Variants in MAGI2 observed in about 807,000 individuals in gnomAD.
MAGI2 encodes the protein membrane-associated guanylate kinase, WW and PDZ domain-containing protein 2.
In MAGI2, 35 loss-of-function variants were observed where a neutral mutation model predicts 133.3. The ratio of observed to expected loss-of-function variants is 0.26; its 90% CI spans 0.20 to 0.35. The LOEUF (loss-of-function observed/expected upper bound fraction) is 0.35, where lower values mean the gene tolerates loss of function less well. Ranked by LOEUF, MAGI2 falls within the 10% of genes least tolerant of loss-of-function variation. The pLI, the probability that MAGI2 is intolerant of heterozygous loss-of-function variation, is 1.00. For missense variants in MAGI2, 1,636 were observed against 1,863.4 expected, an observed-to-expected ratio of 0.88 and a Z score of 2.25; for synonymous variants, 729 against 710.6, an observed-to-expected ratio of 1.03 and a Z score of -0.41.
At chr7:79,183,150 G>C (rs1021461323) in intron 1 of MAGI2, among the ~76,000 whole-genome samples, 9 of 151,824 alleles carry the variant, frequency 5.9e-5, no homozygotes, top group Admixed American at 3.3e-4. Context: ...TAGGGTGACT[G>C]TAGATACAAC....
intron 6 of MAGI2, among the ~76,000 whole-genome samples, chr7:78,399,828 G>T (rs1460973461): frequency 1.1e-5 from 1 of 93,364 alleles, no homozygotes; most frequent in South Asian, 3.7e-4. Context: ...AAAAAAAAAA[G>T]GCATAACATT....
At chr7:79,389,418 C>G (rs924491249) in intron 1 of MAGI2, among the ~76,000 whole-genome samples, 1 of 152,054 alleles carries the variant, frequency 6.6e-6, no homozygotes, top group Non-Finnish European at 1.5e-5. Flanking sequence ...AGAAGACTAA[C>G]TTATGAATGT....
intron 1 of MAGI2, among the ~76,000 whole-genome samples, chr7:79,276,954 C>G (rs1293908265): frequency 6.6e-6 from 1 of 151,700 alleles, no homozygotes; most frequent in East Asian, 1.9e-4. Flanking sequence ...TAGAGTGAAA[C>G]TCTGTCTAAA....
At chr7:78,863,364 GTCCAC>G (rs2151505445) in intron 2 of MAGI2, among the ~76,000 whole-genome samples, 1 of 152,314 alleles carries the variant, frequency 6.6e-6, no homozygotes, top group African/African-American at 2.4e-5. Flanking sequence ...CTCAGGCTGT[GTCCAC>G]TCATGGCAGG....
At chr7:79,144,956 C>G (rs185096438) in intron 1 of MAGI2, among the ~76,000 whole-genome samples, 1 of 152,114 alleles carries the variant, frequency 6.6e-6, no homozygotes, top group East Asian at 1.9e-4. Flanking sequence ...TGGCTCTGCA[C>G]TCACATTAAA....
chr7:78,527,354 C>T (rs1370930893), intron 3 of MAGI2, among the ~76,000 whole-genome samples: 2 of 152,144 alleles, frequency 1.3e-5, no homozygotes, highest in Non-Finnish European at 2.9e-5. Context: ...TCTCTGTAGT[C>T]AATTGACCTT....
chr7:78,381,349 T>TAAAAGAAAAG (rs111830035), intron 6 of MAGI2, among the ~76,000 whole-genome samples: 7,726 of 150,786 alleles, frequency 0.051, 277 homozygotes, highest in South Asian at 0.094. Context: ...CTGTCTCAAT[T>TAAAAGAAAAG]AAAAGAAAAG....
At chr7:78,375,089 T>C (rs1350263772) in intron 6 of MAGI2, among the ~76,000 whole-genome samples, 1 of 152,068 alleles carries the variant, frequency 6.6e-6, no homozygotes, top group African/African-American at 2.4e-5. Context: ...GTTATCCACC[T>C]GCCTTGGCCT....
At chr7:79,179,935 A>ACTAAAAG (rs1271983683) in intron 1 of MAGI2, among the ~76,000 whole-genome samples, 3 of 152,182 alleles carry the variant, frequency 2.0e-5, no homozygotes, top group East Asian at 1.9e-4. Flanking sequence ...ACTCTGTCAA[A>ACTAAAAG]CTAAAAAGCT....
At chr7:79,121,700 C>A (rs1250862523) in intron 1 of MAGI2, among the ~76,000 whole-genome samples, 1 of 152,094 alleles carries the variant, frequency 6.6e-6, no homozygotes, top group East Asian at 1.9e-4. Flanking sequence ...ACAGTTCTCT[C>A]TTTTAATACT....
intron 2 of MAGI2, among the ~76,000 whole-genome samples, chr7:78,669,727 A>G (rs999920185): frequency 5.9e-5 from 9 of 152,196 alleles, no homozygotes; most frequent in Non-Finnish European, 1.0e-4. Flanking sequence ...ATCCACCATG[A>G]TCAAGTGGGC....
chr7:78,026,476 A>G lies in MAGI2; in HGVS notation c.3707-6500T>C, dbSNP rs368287931. Among the ~76,000 whole-genome samples, 33 of 152,364 alleles carry G rather than the reference A, an allele frequency of 2.2e-4. No individual in the cohort carries two copies. In the South Asian group the frequency reaches 6.8e-3, roughly 32 times the overall value. On this transcript the variant is annotated intron_variant, in intron 21 of 21. Coordinates refer to ENST00000354212, the MANE Select transcript of MAGI2 (RefSeq NM_012301.4). Reference sequence around the variant, plus strand: ...AGGAAAGCATAACCCACATCAAAGGAGAGTTAATTTTATCCTGTGCTGAAG... The same window carrying G: ...AGGAAAGCATAACCCACATCAAAGGGGAGTTAATTTTATCCTGTGCTGAAG...
At chr7:78,240,874 ACAT>A (rs1181604246) in intron 10 of MAGI2, among the ~76,000 whole-genome samples, 4 of 149,588 alleles carry the variant, frequency 2.7e-5, no homozygotes, top group East Asian at 2.0e-4. Flanking sequence ...GGTATTCAAA[ACAT>A]CATGTACACA....
chr7:78,474,338 T>G (rs17150854), intron 6 of MAGI2, among the ~76,000 whole-genome samples: 6,081 of 152,076 alleles, frequency 0.04, 218 homozygotes, highest in Admixed American at 0.096. Flanking sequence ...TGCATCAGCT[T>G]AGGAGATGGG....
chr7:78,327,703 G>A (rs574543741), intron 9 of MAGI2, among the ~76,000 whole-genome samples: 1 of 152,280 alleles, frequency 6.6e-6, no homozygotes, highest in African/African-American at 2.4e-5. Flanking sequence ...AAGGTTTGCT[G>A]AATAAATGAA....
At chr7:78,956,979 A>G (rs1322521853) in intron 2 of MAGI2, among the ~76,000 whole-genome samples, 1 of 152,046 alleles carries the variant, frequency 6.6e-6, no homozygotes. Context: ...TTAAAGACTT[A>G]GGGGTCAGGC....
intron 1 of MAGI2, among the ~76,000 whole-genome samples, chr7:79,071,524 G>A (rs1295600161): frequency 6.6e-6 from 1 of 152,166 alleles, no homozygotes; most frequent in African/African-American, 2.4e-5. Flanking sequence ...GCAGGGATGT[G>A]TAAGTCTGCT....
chr7:78,698,732 C>A (rs1368404061), intron 2 of MAGI2, among the ~76,000 whole-genome samples: 1 of 152,080 alleles, frequency 6.6e-6, no homozygotes, highest in African/African-American at 2.4e-5. Context: ...GAAGGGGAAG[C>A]CAACACGTCC....
At chr7:78,025,574 A>T (rs1808830247) in intron 21 of MAGI2, among the ~76,000 whole-genome samples, 1 of 152,206 alleles carries the variant, frequency 6.6e-6, no homozygotes. Flanking sequence ...TTGAAACCAA[A>T]TGCTGACTTG....
Sources: allele counts gnomAD v4.1 joint callset (sites outside exome capture counted in the v4.1 genomes callset), GRCh38; gene constraint gnomAD v4.1.1; transcripts MANE v1.5; gene names NCBI Gene and HGNC (gene_info 2026-07-23, HGNC 2026-07-21).